DNAH6: variants seen among roughly 807,000 people sequenced by gnomAD.
DNAH6 encodes dynein axonemal heavy chain 6.
Under a neutral mutation model 491.4 loss-of-function variants are expected in DNAH6, and 340 were observed. That is an observed-to-expected ratio of 0.69 (90% CI 0.63 to 0.76). The LOEUF is 0.76. Ranked by LOEUF, DNAH6 falls within the 30% of genes least tolerant of loss-of-function variation. DNAH6 has a pLI of 0.00. For missense variants in DNAH6, 4,443 were observed against 4,972.2 expected, an observed-to-expected ratio of 0.89 and a Z score of 3.20; for synonymous variants, 1,603 against 1,686.1, an observed-to-expected ratio of 0.95 and a Z score of 1.21.
rs140193398 is a variant in DNAH6, at chr2:84,725,631, A to G, written c.9973-2038A>G. Among the ~76,000 whole-genome samples the G allele has an allele frequency of 6.0e-3, 908 of 152,344 alleles. 13 individuals carry two copies. The highest frequency in any genetic ancestry group is 0.021 in the African/African-American group (862 of 41,570). ...TCTCCTTCAAGAAATAAAAGTGAAA[A>G]GGCCCTAAAATATCTTGGGCTGAAA... On this transcript the variant is annotated intron_variant, in intron 60 of 76. Coordinates refer to ENST00000389394, the MANE Select transcript of DNAH6 (RefSeq NM_001370.2).
rs1692812646 is a variant in DNAH6 at position 84,672,318 on chromosome 2, T to A, written c.6455-9T>A. On this transcript the variant is annotated splice_polypyrimidine_tract_variant and intron_variant, in intron 39 of 76. Coordinates refer to ENST00000389394, the MANE Select transcript of DNAH6 (RefSeq NM_001370.2). ...TAATTCTTAAATTAAATTCATTTTATTTCCCTAGGAGCACCGGGAAACAAA... is the reference window on the plus strand; with the variant it reads ...TAATTCTTAAATTAAATTCATTTTAATTCCCTAGGAGCACCGGGAAACAAA... 1 of 1,534,374 alleles carries A rather than the reference T, an allele frequency of 6.5e-7. No individual in the cohort carries two copies. The highest frequency in any genetic ancestry group is 8.8e-7 in the Non-Finnish European group (1 of 1,141,208).
chr2:84,472,940 G>A, the DNAH6 span, among the ~76,000 whole-genome samples: 6 of 152,182 alleles, frequency 3.9e-5, no homozygotes, highest in Non-Finnish European at 7.3e-5. Flanking sequence ...GGCTGAATCG[G>A]AAACAATGTT....
intron 63 of DNAH6, among the ~76,000 whole-genome samples, chr2:84,752,300 A>G (rs1673542647): frequency 1.3e-5 from 2 of 152,228 alleles, no homozygotes; most frequent in African/African-American, 4.8e-5. Context: ...AAAATTCCCC[A>G]AAAGAGTCTC....
chr2:84,475,532 A>C, the DNAH6 span, among the ~76,000 whole-genome samples: 19 of 152,320 alleles, frequency 1.2e-4, no homozygotes, highest in African/African-American at 4.3e-4. Context: ...AATTGCCCAC[A>C]ATTAAAGCAA....
chr2:84,685,531 C>T, intron 43 of DNAH6, 59 bp downstream of exon 43: 1 of 1,112,452 alleles, frequency 9.0e-7, no homozygotes, highest in Non-Finnish European at 1.2e-6. Flanking sequence ...AATTTGGTTT[C>T]TACAAAGAAC....
Position 84,525,548 on chromosome 2 carries a change from C to A in DNAH6, c.226-17C>A. On this transcript the variant is annotated splice_polypyrimidine_tract_variant and intron_variant, in intron 2 of 76. Transcript: ENST00000389394. ...CGAATGTTAATAAAAATTAACATGTCTCTCTATTTCCCAAAGCCAGTGCTA... is the reference window on the plus strand; with the variant it reads ...CGAATGTTAATAAAAATTAACATGTATCTCTATTTCCCAAAGCCAGTGCTA... 6.5e-7 allele frequency: 1 copy of A among 1,528,350 alleles called. No homozygotes were observed. The highest frequency in any genetic ancestry group is 1.4e-5 in the African/African-American group (1 of 71,392). The allele number at this position is 1,528,350 out of a possible 1,614,324, so 94.7% of individuals were successfully genotyped here. A position where few individuals can be genotyped will look rare whatever the true frequency, so the allele number is the denominator to read the frequency against.
rs1312159959 is a variant in DNAH6, at chr2:84,538,064, A to G, written c.663-6169A>G. Among the ~76,000 whole-genome samples the G allele has an allele frequency of 2.0e-5, 3 of 152,136 alleles. No individual in the cohort carries two copies. The East Asian group carries it at 5.8e-4, about 29-fold the overall frequency. ...TGATATACCCATTTTACAAATGATG[A>G]AAGTCACAGAATTAAGTTCACATAG... On this transcript the variant is annotated intron_variant, in intron 4 of 76. Transcript: ENST00000389394.
chr2:84,789,498 T>G (rs1677541626), intron 68 of DNAH6, among the ~76,000 whole-genome samples: 1 of 152,154 alleles, frequency 6.6e-6, no homozygotes, highest in South Asian at 2.1e-4. Flanking sequence ...AGTACAATCC[T>G]GAAAGCAAAG....
rs1249654946 is a variant in DNAH6, at chr2:84,658,457, G to A, written c.5923G>A (p.Gly1975Arg). The A allele has an allele frequency of 2.6e-6, 4 of 1,513,202 alleles. No homozygotes were observed. Among genetic ancestry groups the A allele is most frequent in the African/African-American group, 2.8e-5 (2 of 71,256 alleles). 93.7% of individuals were successfully genotyped at this position (1,513,202 alleles called of 1,614,324 possible). A position where few individuals can be genotyped will look rare whatever the true frequency, so the allele number is the denominator to read the frequency against. Residue 1975 changes from glycine (G) to arginine (R), a missense_variant, in exon 36 of 77, where the codon GGA (glycine) becomes AGA (arginine). By Grantham distance (125) the Gly-to-Arg change is moderately radical. This residue lies in a region of DNAH6 where 2,977 missense variants were observed against 3,296.6 expected (regional missense o/e 0.90). Coordinates refer to ENST00000389394, the MANE Select transcript of DNAH6 (RefSeq NM_001370.2). ...LLESLILGKD[G>R]VNLAMEQTKL... ...GGAGTCCTTGATACTTGGGAAAGATGGAGTTAACTTGGCAATGGTATGAAG... is the reference window on the plus strand; with the variant it reads ...GGAGTCCTTGATACTTGGGAAAGATAGAGTTAACTTGGCAATGGTATGAAG...
At chr2:84,501,838 T>C in the DNAH6 span, among the ~76,000 whole-genome samples, 2 of 151,588 alleles carry the variant, frequency 1.3e-5, no homozygotes, top group African/African-American at 4.8e-5. Flanking sequence ...CAGCCACTAA[T>C]GATCCTTTGA....
intron 14 of DNAH6, among the ~76,000 whole-genome samples, chr2:84,582,239 C>G (rs570279784): frequency 3.3e-5 from 5 of 152,276 alleles, no homozygotes; most frequent in African/African-American, 1.2e-4. Flanking sequence ...AGAGCCAGGT[C>G]TTTACAAAAA....
chr2:84,727,602 C>A, intron 60 of DNAH6, 67 bp from the exon 61 acceptor site: 1 of 1,003,036 alleles, frequency 1.0e-6, no homozygotes, highest in Non-Finnish European at 1.5e-6. Context: ...ACAAGGGAGA[C>A]AGATTTTTTG....
rs925004641 is a variant in DNAH6, at chr2:84,659,117, A to T, written c.6032A>T (p.Asp2011Val). Reference protein sequence around the residue: ...LGGNLTENYYDSFDTFIRTQF... With the variant: ...LGGNLTENYYVSFDTFIRTQF... ...GGAAACCTAACTGAAAACTACTATG[A>T]TTCTTTTGATACATTTATTAGAACA... The change falls in exon 37 of 77, where the codon GAT (aspartate) becomes GTT (valine). Residue 2011 changes from aspartate to valine, a missense_variant. Physicochemically the swap from Asp to Val is radical, Grantham distance 152. Around this residue, in one of 3 missense-constraint regions of DNAH6, gnomAD observed 2,977 missense variants for 3,296.6 expected, o/e 0.90. Coordinates refer to ENST00000389394, the MANE Select transcript of DNAH6 (RefSeq NM_001370.2). 19 of 1,516,288 alleles carry T rather than the reference A, an allele frequency of 1.3e-5. No homozygotes were observed. Among genetic ancestry groups the T allele is most frequent in the Non-Finnish European group, 1.6e-5 (18 of 1,120,606 alleles). The allele number at this position is 1,516,288 out of a possible 1,614,324, so 93.9% of individuals were successfully genotyped here.
chr2:84,754,851 T>C (rs1043624381), intron 63 of DNAH6, among the ~76,000 whole-genome samples: 3 of 152,184 alleles, frequency 2.0e-5, no homozygotes, highest in Non-Finnish European at 1.5e-5. Context: ...AGAATGGCAT[T>C]GAACCTGAAG....
chr2:84,619,980 C>A (rs1425461712), intron 24 of DNAH6, 76 bp downstream of exon 24: 22 of 1,255,466 alleles, frequency 1.8e-5, no homozygotes, highest in Non-Finnish European at 2.4e-5. Flanking sequence ...TCTAAGCATA[C>A]AGGTACTCTG....
intron 11 of DNAH6, among the ~76,000 whole-genome samples, chr2:84,559,463 C>T (rs1275703902): frequency 6.6e-6 from 1 of 152,190 alleles, no homozygotes; most frequent in East Asian, 1.9e-4. Flanking sequence ...GGGAAGGTCA[C>T]TTGAGCTCCA....
chr2:84,477,665 C>CT, the DNAH6 span, among the ~76,000 whole-genome samples: 1 of 152,128 alleles, frequency 6.6e-6, no homozygotes, highest in Non-Finnish European at 1.5e-5. Context: ...TTCCTGAGGT[C>CT]TTTAAGTTAC....
chr2:84,611,780 T>C lies in DNAH6; in HGVS notation c.3401T>C (p.Val1134Ala). ...GCAGAGGCCAAGATGTTCCTTCAGG[T>C]GGATAAGTCATGGAAAGAAATCATG... ...LPAEAKMFLQVDKSWKEIMRK... is the reference protein window; with the variant it reads ...LPAEAKMFLQADKSWKEIMRK... Residue 1134 changes from valine (V) to alanine (A), a missense_variant, in exon 22 of 77, where the codon GTG (valine) becomes GCG (alanine). By Grantham distance (64) the Val-to-Ala change is moderately conservative. Around this residue, in one of 3 missense-constraint regions of DNAH6, gnomAD observed 2,977 missense variants for 3,296.6 expected, o/e 0.90. Transcript: ENST00000389394. 4 of 1,551,134 alleles carry C rather than the reference T, an allele frequency of 2.6e-6. No homozygotes were observed. The highest frequency in any genetic ancestry group is 3.5e-6 in the Non-Finnish European group (4 of 1,146,644).
chr2:84,561,197 T>C (rs1315882841), intron 11 of DNAH6, among the ~76,000 whole-genome samples: 1 of 152,076 alleles, frequency 6.6e-6, no homozygotes, highest in Non-Finnish European at 1.5e-5. Flanking sequence ...GAGATATAGA[T>C]CAATGGAACA....
Sources: gnomAD v4.1 joint callset for allele counts (sites outside exome capture counted in the v4.1 genomes callset) on GRCh38, gnomAD v4.1.1 for gene constraint, gnomAD v4.1.1 regional missense constraint, MANE v1.5 for transcripts, NCBI Gene and HGNC (gene_info 2026-07-23, HGNC 2026-07-21) for gene names.